The following CCNY variants were observed in gnomAD, a reference collection of about 807,000 sequenced individuals.
The protein encoded by CCNY is cyclin Y, also known as cyclin-Y.
A neutral mutation model predicts 42.8 loss-of-function variants in CCNY; 19 were observed. The ratio of observed to expected loss-of-function variants is 0.44; its 90% CI spans 0.31 to 0.65. The LOEUF (loss-of-function observed/expected upper bound fraction) is 0.65, where lower values mean the gene tolerates loss of function less well. Among genes scored for constraint, CCNY ranks in the 30% least tolerant of loss-of-function variants. The probability of loss-of-function intolerance (pLI) is 0.07; values close to 1 mark genes in which losing one functional copy is unlikely to be tolerated. For synonymous variants in CCNY, 165 were observed against 162.7 expected, an observed-to-expected ratio of 1.01 and a Z score of -0.11; for missense variants, 370 against 437.3, an observed-to-expected ratio of 0.85 and a Z score of 1.37.
Position 35,277,724 on chromosome 10 carries a change from CT to C in CCNY, c.-9+27110del, listed in dbSNP as rs201138322. Among the ~76,000 whole-genome samples the C allele has an allele frequency of 4.1e-3, 607 of 147,558 alleles. 30 individuals are homozygous for C. The South Asian group carries it at 0.11, about 26-fold the overall frequency. On this transcript the variant is annotated intron_variant, in intron 3 of 11. Transcript: ENST00000374706. ...AGTGCATCCTATGCCCATGTAAATT[CT>C]TTTTTTTTTTTCCAAAAGAGTCCTT... is the stretch of plus-strand genomic sequence containing the variant.
chr10:35,301,716 T>C (rs992293604), intron 3 of CCNY, among the ~76,000 whole-genome samples: 1 of 151,984 alleles, frequency 6.6e-6, no homozygotes, highest in Non-Finnish European at 1.5e-5. Flanking sequence ...GAAGACTTGA[T>C]CTCCCTGGGC....
At chr10:35,513,525 C>T (rs928804543) in intron 3 of CCNY, among the ~76,000 whole-genome samples, 2 of 152,202 alleles carry the variant, frequency 1.3e-5, no homozygotes, top group Admixed American at 6.5e-5. Flanking sequence ...TTCTACTTAA[C>T]GATTACCTGC....
At chr10:35,366,805 C>T (rs1054076862) in intron 1 of CCNY, among the ~76,000 whole-genome samples, 9 of 152,158 alleles carry the variant, frequency 5.9e-5, no homozygotes, top group South Asian at 2.1e-4. Flanking sequence ...ACATTTGAAA[C>T]GTAGCTAGTG....
At chr10:35,499,590 A>G (rs1404584337) in intron 2 of CCNY, among the ~76,000 whole-genome samples, 1 of 152,226 alleles carries the variant, frequency 6.6e-6, no homozygotes, top group Non-Finnish European at 1.5e-5. Flanking sequence ...AATAGTACCC[A>G]TATAGGAAGT....
intron 4 of CCNY, among the ~76,000 whole-genome samples, chr10:35,524,904 C>G (rs910141657): frequency 6.6e-6 from 1 of 152,028 alleles, no homozygotes; most frequent in Admixed American, 6.5e-5. Flanking sequence ...GTAGACTTTC[C>G]GCAAAGATGT....
chr10:35,323,043 T>C (rs527993827), intron 3 of CCNY, among the ~76,000 whole-genome samples: 38 of 152,182 alleles, frequency 2.5e-4, no homozygotes, highest in Middle Eastern at 3.4e-3. Context: ...TCTCCTGCCT[T>C]AGCCTCCCAA....
chr10:35,467,248 ATGTTT>A (rs1045366974), intron 1 of CCNY, among the ~76,000 whole-genome samples: 3 of 152,134 alleles, frequency 2.0e-5, no homozygotes, highest in Non-Finnish European at 4.4e-5. Context: ...AAATTTAATG[ATGTTT>A]TGTTTGTATT....
Position 35,477,063 on chromosome 10 carries a change from T to C in CCNY, c.155-6341T>C, listed in dbSNP as rs1346088428. On this transcript the variant is annotated intron_variant, in intron 1 of 9. Coordinates refer to ENST00000374704, the MANE Select transcript of CCNY (RefSeq NM_145012.6). ...AGAAATGGATAAATTCCTGGACACATAGACTCTCCCAAGACTAAACCAGGA... is the reference window on the plus strand; with the variant it reads ...AGAAATGGATAAATTCCTGGACACACAGACTCTCCCAAGACTAAACCAGGA... Among the ~76,000 whole-genome samples the C allele has an allele frequency of 1.1e-4, 16 of 152,158 alleles. No homozygotes were observed. The East Asian group carries it at 3.1e-3, about 29-fold the overall frequency.
chr10:35,294,284 T>C (rs1291265645), intron 3 of CCNY, among the ~76,000 whole-genome samples: 1 of 152,188 alleles, frequency 6.6e-6, no homozygotes, highest in Non-Finnish European at 1.5e-5. Context: ...TTAGAACCTC[T>C]AGTATAATAT....
At chr10:35,257,952 A>G (rs958403466) in intron 3 of CCNY, among the ~76,000 whole-genome samples, 2 of 151,774 alleles carry the variant, frequency 1.3e-5, no homozygotes, top group African/African-American at 4.8e-5. Flanking sequence ...TGTTCCTTAG[A>G]CTCAATAATT....
At chr10:35,283,490 G>A (rs1835319946) in intron 3 of CCNY, among the ~76,000 whole-genome samples, 2 of 151,728 alleles carry the variant, frequency 1.3e-5, no homozygotes, top group South Asian at 4.1e-4. Context: ...AACCACCTCT[G>A]CCTCCTGGGT....
At chr10:35,307,792 GTGTGTGTGTATATATA>G (rs1238153113) in intron 3 of CCNY, among the ~76,000 whole-genome samples, 9 of 81,172 alleles carry the variant, frequency 1.1e-4, no homozygotes, top group African/African-American at 4.2e-4. Flanking sequence ...GTGTGTGTGT[GTGTGTGTGTATATATA>G]TATATATATA....
chr10:35,430,893 T>G (rs938282270), intron 1 of CCNY, among the ~76,000 whole-genome samples: 5 of 151,782 alleles, frequency 3.3e-5, no homozygotes, highest in Non-Finnish European at 7.4e-5. Context: ...GATCCGCGGG[T>G]GGATCACAAG....
chr10:35,248,551 C>G (rs1446023296), intron 2 of CCNY, among the ~76,000 whole-genome samples: 1 of 152,070 alleles, frequency 6.6e-6, no homozygotes, highest in African/African-American at 2.4e-5. Context: ...GACGCTGAGG[C>G]AGGAGAATTG....
rs56033862 is a variant in CCNY, at chr10:35,482,749, GGTGTGTGTGTGTGTGT to G, written c.155-618_155-603del. 9.0e-3 allele frequency among the ~76,000 whole-genome samples: 1,166 copies of G among 128,932 alleles called. 18 individuals carry two copies. Among genetic ancestry groups the G allele is most frequent in the African/African-American group, 0.027 (932 of 34,528 alleles). 84.6% of individuals were successfully genotyped at this position (128,932 alleles called of 152,430 possible). A position where few individuals can be genotyped will look rare whatever the true frequency, so the allele number is the denominator to read the frequency against. The stretch of plus-strand genomic sequence containing the variant: ...GATTTCTCAAGGGAAGCTGGAAATA[GGTGTGTGTGTGTGTGT>G]GTGTGTGTGTGTGTGTGTGTGTGTG... On this transcript the variant is annotated intron_variant, in intron 1 of 9. Coordinates refer to ENST00000374704, the MANE Select transcript of CCNY (RefSeq NM_145012.6).
At chr10:35,256,905 A>T (rs1221110177) in intron 3 of CCNY, among the ~76,000 whole-genome samples, 1 of 152,178 alleles carries the variant, frequency 6.6e-6, no homozygotes, top group Non-Finnish European at 1.5e-5. Context: ...CAAAATGTGG[A>T]ATTACAACTC....
At chr10:35,369,039 C>T (rs1836872472) in intron 1 of CCNY, among the ~76,000 whole-genome samples, 1 of 152,222 alleles carries the variant, frequency 6.6e-6, no homozygotes, top group South Asian at 2.1e-4. Flanking sequence ...TGAGGAACTT[C>T]CTGGTGATTT....
chr10:35,516,484 C>T, intron 3 of CCNY, 39 bp from the exon 4 acceptor site: 2 of 1,365,392 alleles, frequency 1.5e-6, no homozygotes, highest in Non-Finnish European at 2.1e-6. Flanking sequence ...ATTCTGAGCC[C>T]TGTGTAATTG....
chr10:35,277,262 C>T (rs1277129401), intron 3 of CCNY, among the ~76,000 whole-genome samples: 1 of 152,210 alleles, frequency 6.6e-6, no homozygotes, highest in African/African-American at 2.4e-5. Context: ...AAGGCTTCTG[C>T]AACATCTTTA....
Sources: allele counts gnomAD v4.1 joint callset (sites outside exome capture counted in the v4.1 genomes callset), GRCh38; gene constraint gnomAD v4.1.1; transcripts MANE v1.5; gene names NCBI Gene and HGNC (gene_info 2026-07-23, HGNC 2026-07-21).